Variants in TAFA5 observed in about 807,000 individuals in gnomAD.
TAFA5 encodes the protein TAFA chemokine like family member 5, also known as chemokine-like protein TAFA-5.
In TAFA5, 6 loss-of-function variants were observed where a neutral mutation model predicts 15.3. That is an observed-to-expected ratio of 0.39 (90% CI 0.21 to 0.77). The LOEUF is 0.77. Ranked by LOEUF, TAFA5 falls within the 30% of genes least tolerant of loss-of-function variation. The pLI, the probability that TAFA5 is intolerant of heterozygous loss-of-function variation, is 0.41. For synonymous variants in TAFA5, 103 were observed against 80.7 expected (o/e 1.28, Z -1.48); for missense variants, 161 against 193.1 (o/e 0.83, Z 0.98).
chr22:48,575,465 C>T (rs1271590863), intron 1 of TAFA5, among the ~76,000 whole-genome samples: 2 of 146,236 alleles, frequency 1.4e-5, no homozygotes, highest in Non-Finnish European at 3.0e-5. Context: ...GCGCCGCGCT[C>T]CCCCTCCCGC....
At chr22:48,638,399 G>A (rs1031946211) in intron 1 of TAFA5, among the ~76,000 whole-genome samples, 1 of 95,666 alleles carries the variant, frequency 1.0e-5, no homozygotes, top group Non-Finnish European at 2.0e-5. Context: ...ACACAGGGGG[G>A]ACCCCGACAC....
rs189558668 is a variant in TAFA5 at position 48,600,000 on chromosome 22, C to T, written c.113-46597C>T. Among the ~76,000 whole-genome samples, 118 of 152,260 alleles carry T rather than the reference C, an allele frequency of 7.7e-4. 1 individual carries two copies. The highest frequency in any genetic ancestry group is 3.4e-3 in the Middle Eastern group (1 of 294). On this transcript the variant is annotated intron_variant, in intron 1 of 3. Coordinates refer to ENST00000402357, the MANE Select transcript of TAFA5 (RefSeq NM_001082967.3). ...CGGTGAGTGTTTGCAGCTCTCCCCC[C>T]GTCTGTCTCCTGACTTTCCCTGGGC...
chr22:48,694,819 GCCGCTCCGACCTCCGCCCCCACCCCCC>G (rs1928657755), intron 2 of TAFA5, among the ~76,000 whole-genome samples: 4 of 25,240 alleles, frequency 1.6e-4, no homozygotes, highest in Admixed American at 1.2e-3. Context: ...CCCACCCGCC[GCCGCTCCGACCTCCGCCCCCACCCCCC>G]GCCGCTCCAG....
At chr22:48,576,838 C>G (rs1008923379) in intron 1 of TAFA5, among the ~76,000 whole-genome samples, 2 of 151,854 alleles carry the variant, frequency 1.3e-5, no homozygotes, top group African/African-American at 2.4e-5. Flanking sequence ...TGGCGCCGCC[C>G]CGGATCCCCA....
chr22:48,575,938 AGGAGGCGGCGGCGGC>A (rs1431416456), intron 1 of TAFA5, among the ~76,000 whole-genome samples: 6 of 131,834 alleles, frequency 4.6e-5, no homozygotes, highest in Non-Finnish European at 8.1e-5. Flanking sequence ...CGGGCGGCGG[AGGAGGCGGCGGCGGC>A]GGAGGAAGAG....
At chr22:48,589,986 C>CT (rs3223054) in intron 1 of TAFA5, among the ~76,000 whole-genome samples, 10 of 149,664 alleles carry the variant, frequency 6.7e-5, no homozygotes, top group African/African-American at 2.5e-4. Flanking sequence ...TTGCAGCCGA[C>CT]GTGTGTGTGT....
chr22:48,584,041 AATACACCAC>A (rs1162009422), intron 1 of TAFA5, among the ~76,000 whole-genome samples: 472 of 146,294 alleles, frequency 3.2e-3, no homozygotes, highest in Non-Finnish European at 4.7e-3. Context: ...CCACACACAA[AATACACCAC>A]ATACACCACA....
At chr22:48,627,600 G>A (rs762634487) in intron 1 of TAFA5, among the ~76,000 whole-genome samples, 5 of 152,376 alleles carry the variant, frequency 3.3e-5, no homozygotes, top group Admixed American at 2.6e-4. Context: ...TAATGGGGGC[G>A]AGTAGCAGGA....
intron 1 of TAFA5, among the ~76,000 whole-genome samples, chr22:48,574,196 G>A (rs1223787349): frequency 6.6e-6 from 1 of 152,254 alleles, no homozygotes; most frequent in Non-Finnish European, 1.5e-5. Flanking sequence ...CAGATCCACA[G>A]CTGCTTAGTT....
At chr22:48,581,489 C>T (rs141746890) in intron 1 of TAFA5, among the ~76,000 whole-genome samples, 67 of 152,324 alleles carry the variant, frequency 4.4e-4, no homozygotes, top group African/African-American at 1.2e-3. Context: ...ATTCCCCACT[C>T]GGTGGTCTGG....
At chr22:48,665,396 G>A (rs143064370) in intron 2 of TAFA5, among the ~76,000 whole-genome samples, 65 of 152,250 alleles carry the variant, frequency 4.3e-4, no homozygotes, top group African/African-American at 1.1e-3. Flanking sequence ...TAGCTAAGTC[G>A]AATTGATTCA....
intron 1 of TAFA5, among the ~76,000 whole-genome samples, chr22:48,547,778 T>C (rs1922726815): frequency 6.6e-6 from 1 of 152,202 alleles, no homozygotes; most frequent in South Asian, 2.1e-4. Flanking sequence ...TCCGAGACTC[T>C]GGGGTGGGTC....
At chr22:48,692,450 G>A (rs1158344255) in intron 2 of TAFA5, among the ~76,000 whole-genome samples, 1 of 152,186 alleles carries the variant, frequency 6.6e-6, no homozygotes, top group Non-Finnish European at 1.5e-5. Context: ...TTTTTTAAGA[G>A]ACTGAGTCTC....
At chr22:48,511,165 C>A (rs564419928) in intron 1 of TAFA5, among the ~76,000 whole-genome samples, 39 of 152,326 alleles carry the variant, frequency 2.6e-4, no homozygotes, top group African/African-American at 9.4e-4. Flanking sequence ...GCTGGGGATC[C>A]CAGACCCCAA....
At chr22:48,748,708 C>A (rs1930397296) in intron 3 of TAFA5, among the ~76,000 whole-genome samples, 1 of 152,184 alleles carries the variant, frequency 6.6e-6, no homozygotes, top group Non-Finnish European at 1.5e-5. Context: ...AGCTCAGGAA[C>A]CGCAGCTGGC....
At chr22:48,660,219 C>T (rs1359299626) in intron 2 of TAFA5, among the ~76,000 whole-genome samples, 1 of 152,184 alleles carries the variant, frequency 6.6e-6, no homozygotes, top group East Asian at 1.9e-4. Flanking sequence ...TCCCATCTCC[C>T]AGTGCCTGGC....
At chr22:48,587,855 G>C (rs574987593) in intron 1 of TAFA5, among the ~76,000 whole-genome samples, 1 of 152,242 alleles carries the variant, frequency 6.6e-6, no homozygotes, top group Non-Finnish European at 1.5e-5. Context: ...GAGGACTCAC[G>C]CAGAGGCGGC....
At chr22:48,723,603 C>G (rs563431644) in intron 3 of TAFA5, among the ~76,000 whole-genome samples, 1 of 152,206 alleles carries the variant, frequency 6.6e-6, no homozygotes, top group Non-Finnish European at 1.5e-5. Context: ...CTTACTGGGT[C>G]AGATCCCACC....
intron 2 of TAFA5, chr22:48,693,315 TGAAAG>T: frequency 6.2e-7 from 1 of 1,610,462 alleles, no homozygotes. Flanking sequence ...AGAGAGTAAT[TGAAAG>T]GAAGAGGGAA....
Sources: allele counts gnomAD v4.1 joint callset (sites outside exome capture counted in the v4.1 genomes callset), GRCh38; gene constraint gnomAD v4.1.1; transcripts MANE v1.5; gene names NCBI Gene and HGNC (gene_info 2026-07-23, HGNC 2026-07-21).